MSH3: variants seen among roughly 807,000 people sequenced by gnomAD.
MSH3 encodes mutS homolog 3.
MSH3 carries 106 observed loss-of-function variants against 123.3 expected under a neutral mutation model. The ratio of observed to expected loss-of-function variants is 0.86; its 90% CI spans 0.73 to 1.01. The LOEUF is 1.01. Among genes scored for constraint, MSH3 ranks in the 50% least tolerant of loss-of-function variants. MSH3 has a pLI of 0.00. For missense variants in MSH3, 1,459 were observed against 1,347.6 expected (o/e 1.08, Z -1.29); for synonymous variants, 515 against 481.4 (o/e 1.07, Z -0.91).
chr5:80,717,257 T>G (rs139497099), intron 8 of MSH3, among the ~76,000 whole-genome samples: 1 of 152,328 alleles, frequency 6.6e-6, no homozygotes, highest in African/African-American at 2.4e-5. Context: ...GTAATAGTTC[T>G]ATTTTTATTA....
intron 10 of MSH3, 36 bp downstream of exon 10, chr5:80,729,001 CT>C: frequency 8.7e-7 from 1 of 1,154,154 alleles, no homozygotes. Context: ...AAAGGGGGAG[CT>C]TATATTATGA....
At chr5:80,657,414 C>T (rs1480831150) in intron 2 of MSH3, among the ~76,000 whole-genome samples, 1 of 152,168 alleles carries the variant, frequency 6.6e-6, no homozygotes, top group Non-Finnish European at 1.5e-5. Context: ...GCACTCCACC[C>T]TGGGCAACAA....
chr5:80,872,968 A>G (rs916835555), intron 22 of MSH3, 148 bp from the exon 23 acceptor site: 2 of 733,188 alleles, frequency 2.7e-6, no homozygotes, highest in African/African-American at 3.5e-5. Flanking sequence ...GACATATCAA[A>G]TTGATAAATG....
At chr5:80,833,076 A>G (rs1323004347) in intron 20 of MSH3, among the ~76,000 whole-genome samples, 2 of 152,158 alleles carry the variant, frequency 1.3e-5, no homozygotes, top group Non-Finnish European at 2.9e-5. Context: ...AAAAAGTACT[A>G]ATTTCTTTTT....
intron 23 of MSH3, among the ~76,000 whole-genome samples, chr5:80,874,062 A>G (rs1429555834): frequency 6.6e-6 from 1 of 152,104 alleles, no homozygotes; most frequent in Non-Finnish European, 1.5e-5. Flanking sequence ...TAATCATATG[A>G]CCATGATGAA....
At chr5:80,693,628 C>T (rs1032190076) in intron 8 of MSH3, among the ~76,000 whole-genome samples, 1 of 43,870 alleles carries the variant, frequency 2.3e-5, no homozygotes, top group Non-Finnish European at 4.7e-5. Flanking sequence ...CACATATACA[C>T]ACACACACAC....
intron 13 of MSH3, among the ~76,000 whole-genome samples, chr5:80,766,502 A>G (rs1309496903): frequency 6.7e-6 from 1 of 149,704 alleles, no homozygotes; most frequent in East Asian, 1.9e-4. Context: ...GCGCCACCAC[A>G]CCCAGCTAAT....
intron 3 of MSH3, among the ~76,000 whole-genome samples, chr5:80,667,027 C>A (rs954948540): frequency 1.3e-5 from 2 of 152,032 alleles, no homozygotes; most frequent in Non-Finnish European, 2.9e-5. Flanking sequence ...GTACAACAAA[C>A]CCTCATGACA....
intron 5 of MSH3, 27 bp from the exon 6 acceptor site, chr5:80,672,714 T>G (rs750501889): frequency 2.0e-6 from 3 of 1,535,902 alleles, no homozygotes; most frequent in Non-Finnish European, 2.7e-6. Context: ...TATCCTTTGA[T>G]AGCAATATTT....
chr5:80,776,928 A>ATTT lies in MSH3; in HGVS notation c.2318+1180_2318+1182dup, dbSNP rs551087715. ...ATAATACAAATATATATATATATAT[A>ATTT]TTTTTTTTTTTTCTTTTTTTTAAGA... On this transcript the variant is annotated intron_variant, in intron 16 of 23. Coordinates refer to ENST00000265081, the MANE Select transcript of MSH3 (RefSeq NM_002439.5). 9.9e-3 allele frequency among the ~76,000 whole-genome samples: 1,381 copies of ATTT among 139,392 alleles called. 22 individuals carry two copies. Among genetic ancestry groups the ATTT allele is most frequent in the East Asian group, 0.062 (291 of 4,720 alleles). 91.4% of individuals were successfully genotyped at this position (139,392 alleles called of 152,430 possible).
At chr5:80,715,759 C>T (rs1202304872) in intron 8 of MSH3, among the ~76,000 whole-genome samples, 2 of 152,010 alleles carry the variant, frequency 1.3e-5, no homozygotes, top group Non-Finnish European at 2.9e-5. Flanking sequence ...GGGGAGGTGC[C>T]ATACACTTTC....
At chr5:80,820,876 G>C (rs1012140794) in intron 20 of MSH3, among the ~76,000 whole-genome samples, 2 of 152,194 alleles carry the variant, frequency 1.3e-5, no homozygotes, top group African/African-American at 4.8e-5. Flanking sequence ...TTGTGATGCT[G>C]AGTAAGAGGA....
At chr5:80,780,368 G>C (rs972100786) in intron 17 of MSH3, among the ~76,000 whole-genome samples, 1 of 152,130 alleles carries the variant, frequency 6.6e-6, no homozygotes, top group Non-Finnish European at 1.5e-5. Context: ...TATTTTTCAC[G>C]TGACCCCTGT....
chr5:80,729,454 G>GTA lies in MSH3; in HGVS notation c.1568+490_1568+491insAT, dbSNP rs1743370399. Among the ~76,000 whole-genome samples, 5 of 132,466 alleles carry GTA rather than the reference G, an allele frequency of 3.8e-5. No individual in the cohort carries two copies. In the South Asian group the frequency reaches 1.4e-3, roughly 37 times the overall value. The allele number at this position is 132,466 out of a possible 152,430, so 86.9% of individuals were successfully genotyped here. On this transcript the variant is annotated intron_variant, in intron 10 of 23. Coordinates refer to ENST00000265081, the MANE Select transcript of MSH3 (RefSeq NM_002439.5). ...AATGTGTGTGTGTGTGTGTGTGTGT[G>GTA]TGTGTGTATATATATATATATATAT...
intron 15 of MSH3, 23 bp from the exon 16 acceptor site, chr5:80,775,671 C>A: frequency 7.6e-7 from 1 of 1,313,618 alleles, no homozygotes; most frequent in South Asian, 1.2e-5. Context: ...ATCTAAATCT[C>A]TGTTTATTTG....
intron 10 of MSH3, among the ~76,000 whole-genome samples, chr5:80,730,280 G>A (rs993737034): frequency 3.3e-5 from 5 of 152,154 alleles, no homozygotes; most frequent in African/African-American, 9.7e-5. Flanking sequence ...AGGCCACGTA[G>A]TACATACCAT....
chr5:80,785,394 A>G (rs1401223234), intron 17 of MSH3, among the ~76,000 whole-genome samples: 14 of 152,202 alleles, frequency 9.2e-5, no homozygotes, highest in Admixed American at 9.2e-4. Flanking sequence ...ATGCAAATCA[A>G]AACCACAATG....
At position 80,709,587 on chromosome 5, in the gene MSH3, G is replaced by A. The variant is rs866497629; in HGVS notation, c.1341-15866G>A. 1.2e-3 allele frequency among the ~76,000 whole-genome samples: 175 copies of A among 152,152 alleles called. 2 individuals carry two copies. The highest frequency in any genetic ancestry group is 6.8e-3 in the Middle Eastern group (2 of 294). The stretch of plus-strand genomic sequence containing the variant: ...CAGTGAGCTGAGATCACGTGAGATC[G>A]CGCCACTGCACTCCAGCCTGGGCGA... On this transcript the variant is annotated intron_variant, in intron 8 of 23. Transcript: ENST00000265081.
intron 17 of MSH3, among the ~76,000 whole-genome samples, chr5:80,785,739 C>T (rs201147204): frequency 2.6e-5 from 4 of 152,088 alleles, no homozygotes; most frequent in South Asian, 2.1e-4. Context: ...TTGGAACCAA[C>T]CCAAATGTCC....
Sources: allele counts gnomAD v4.1 joint callset (sites outside exome capture counted in the v4.1 genomes callset), GRCh38; gene constraint gnomAD v4.1.1; transcripts MANE v1.5; gene names NCBI Gene and HGNC (gene_info 2026-07-23, HGNC 2026-07-21).